Variants in RAVER2 observed in about 807,000 individuals in gnomAD.
The protein encoded by RAVER2 is ribonucleoprotein, PTB binding 2.
In RAVER2, 46 loss-of-function variants were observed where a neutral mutation model predicts 78.1. The observed-to-expected ratio is 0.59, with a 90% CI of 0.46 to 0.75. The LOEUF is 0.75. Among genes scored for constraint, RAVER2 ranks in the 30% least tolerant of loss-of-function variants. The pLI is 0.00. For synonymous variants in RAVER2, 311 were observed against 313.3 expected (o/e 0.99, Z 0.08); for missense variants, 793 against 837.5 (o/e 0.95, Z 0.66).
intron 11 of RAVER2, among the ~76,000 whole-genome samples, chr1:64,817,005 C>A (rs1207863159): frequency 6.6e-6 from 1 of 152,210 alleles, no homozygotes; most frequent in East Asian, 1.9e-4. Context: ...ATCTACTCAT[C>A]TGACAAAGGG....
rs1653057807 is a variant in RAVER2, at chr1:64,795,007, A to G, written c.1105+5493A>G. On this transcript the variant is annotated intron_variant, in intron 5 of 11. Coordinates refer to ENST00000294428, the Ensembl canonical transcript of RAVER2. ...TAATTTTAGTTTGTAGTATGAGGTAAGAGTCCAGATTTTTTTTTTACATAT... is the reference window on the plus strand; with the variant it reads ...TAATTTTAGTTTGTAGTATGAGGTAGGAGTCCAGATTTTTTTTTTACATAT... Among the ~76,000 whole-genome samples the G allele has an allele frequency of 2.6e-5, 4 of 152,062 alleles. No individual in the cohort carries two copies. In the South Asian group the frequency reaches 8.3e-4, roughly 32 times the overall value.
chr1:64,828,519 GCTTT>G (rs1306650832), intron 11 of RAVER2, among the ~76,000 whole-genome samples: 4 of 152,128 alleles, frequency 2.6e-5, no homozygotes, highest in East Asian at 1.9e-4. Flanking sequence ...AGAGCACTGA[GCTTT>G]CTTTCAAAAT....
chr1:64,805,063 T>C, exon 8 of RAVER2: 3 of 1,614,026 alleles, frequency 1.9e-6, no homozygotes, highest in Middle Eastern at 1.6e-4. Flanking sequence ...AGTGCTTCCA[T>C]TGAAAAAGGA....
At chr1:64,807,516 A>G (rs1164064273) in intron 9 of RAVER2, 42 bp downstream of exon 9, 2 of 1,540,430 alleles carry the variant, frequency 1.3e-6, no homozygotes, top group Non-Finnish European at 1.8e-6. Context: ...ATATACATGT[A>G]TATGTATATA....
At chr1:64,813,196 G>A (rs1234388716) in intron 10 of RAVER2, among the ~76,000 whole-genome samples, 1 of 152,188 alleles carries the variant, frequency 6.6e-6, no homozygotes, top group Non-Finnish European at 1.5e-5. Context: ...AAACCCTCAA[G>A]CCTTCAATTA....
chr1:64,748,816 T>A (rs1210166672), intron 1 of RAVER2, among the ~76,000 whole-genome samples: 1 of 152,160 alleles, frequency 6.6e-6, no homozygotes, highest in East Asian at 1.9e-4. Flanking sequence ...CCTGCCTACG[T>A]TTCCAGTCTC....
chr1:64,790,727 C>T lies in RAVER2; in HGVS notation c.1105+1213C>T, dbSNP rs539938571. On this transcript the variant is annotated intron_variant, in intron 5 of 11. Transcript: ENST00000294428. ...ACTGGGGTTCTTGGAACATATCGCT[C>T]GCTGATAAGGGGGAACTAATGTATT... is the stretch of plus-strand genomic sequence containing the variant. Among the ~76,000 whole-genome samples the T allele has an allele frequency of 7.0e-4, 106 of 152,206 alleles. 2 individuals carry two copies. The highest frequency in any genetic ancestry group is 4.4e-3 in the South Asian group (21 of 4,824).
chr1:64,802,937 CAT>C, intron 5 of RAVER2, 37 bp from the exon 6 acceptor site: 5 of 1,404,142 alleles, frequency 3.6e-6, no homozygotes, highest in Non-Finnish European at 4.9e-6. Context: ...TTTTTAATTC[CAT>C]ATATAAATTA....
chr1:64,783,482 GTGA>G (rs1264431271), intron 4 of RAVER2, among the ~76,000 whole-genome samples: 1 of 152,192 alleles, frequency 6.6e-6, no homozygotes, highest in Non-Finnish European at 1.5e-5. Flanking sequence ...CTGATGACCA[GTGA>G]TGATGAGCAT....
At chr1:64,821,628 A>G (rs76944093) in intron 11 of RAVER2, among the ~76,000 whole-genome samples, 315 of 152,330 alleles carry the variant, frequency 2.1e-3, no homozygotes, top group African/African-American at 7.4e-3. Context: ...GACATCTGCA[A>G]CCATCTGGTC....
chr1:64,804,901 G>C lies in RAVER2; in HGVS notation c.1296+63G>C, dbSNP rs1446714474. On this transcript the variant is annotated intron_variant, in intron 7 of 11. Transcript: ENST00000294428. ...ATTTCTTTTCTAGAATCAGGCTGTG[G>C]ATCAGGTTGTTTATGAATTTTCACG... The C allele has an allele frequency of 2.7e-6, 4 of 1,507,154 alleles. No individual in the cohort carries two copies. The Admixed American group carries it at 7.0e-5, about 26-fold the overall frequency. 93.4% of individuals were successfully genotyped at this position (1,507,154 alleles called of 1,614,324 possible).
chr1:64,810,322 G>A (rs960795777), intron 9 of RAVER2, among the ~76,000 whole-genome samples: 1 of 152,180 alleles, frequency 6.6e-6, no homozygotes, highest in Non-Finnish European at 1.5e-5. Context: ...CAGTTTGAGA[G>A]GCTGGGAATT....
intron 2 of RAVER2, among the ~76,000 whole-genome samples, chr1:64,769,315 C>CA (rs1220158215): frequency 1.3e-5 from 2 of 150,886 alleles, no homozygotes; most frequent in Non-Finnish European, 1.5e-5. Context: ...TCTTCAGATT[C>CA]AAAAAAAATG....
intron 5 of RAVER2, among the ~76,000 whole-genome samples, chr1:64,799,955 C>A (rs1653213062): frequency 6.6e-6 from 1 of 152,062 alleles, no homozygotes; most frequent in South Asian, 2.1e-4. Context: ...ATTAGCTGTT[C>A]TAATTGGGGT....
rs183776160 is a variant in RAVER2 at position 64,757,957 on chromosome 1, C to T, written c.250-10699C>T. 2.2e-3 allele frequency among the ~76,000 whole-genome samples: 338 copies of T among 152,260 alleles called. 2 individuals are homozygous for T. Among genetic ancestry groups the T allele is most frequent in the Middle Eastern group, 6.8e-3 (2 of 294 alleles). On this transcript the variant is annotated intron_variant, in intron 1 of 11. Coordinates refer to ENST00000294428, the Ensembl canonical transcript of RAVER2. ...ATTTGATCAACCCCATTTACATAGGCATCTCCCATCACCGCTGCAGATGCT... is the reference window on the plus strand; with the variant it reads ...ATTTGATCAACCCCATTTACATAGGTATCTCCCATCACCGCTGCAGATGCT...
exon 4 of RAVER2, chr1:64,781,480 C>T (rs778469739): frequency 1.2e-6 from 2 of 1,614,058 alleles, no homozygotes; most frequent in Middle Eastern, 1.7e-4. Context: ...GACGGTATGA[C>T]CATCAAGGGC....
intron 1 of RAVER2, among the ~76,000 whole-genome samples, chr1:64,746,710 C>A (rs940971577): frequency 6.6e-6 from 1 of 152,152 alleles, no homozygotes; most frequent in African/African-American, 2.4e-5. Flanking sequence ...TCTTTCCATT[C>A]CGCCATGGTC....
At chr1:64,826,126 T>C (rs1353502425) in intron 11 of RAVER2, among the ~76,000 whole-genome samples, 1 of 152,232 alleles carries the variant, frequency 6.6e-6, no homozygotes, top group East Asian at 1.9e-4. Flanking sequence ...TTTTGAAAGG[T>C]ATTCATTTAC....
At chr1:64,800,484 C>G (rs1025464752) in intron 5 of RAVER2, among the ~76,000 whole-genome samples, 1 of 152,080 alleles carries the variant, frequency 6.6e-6, no homozygotes, top group African/African-American at 2.4e-5. Flanking sequence ...AGATAAGGGT[C>G]TGGCTTCATT....
Sources: allele counts gnomAD v4.1 joint callset (sites outside exome capture counted in the v4.1 genomes callset), GRCh38; gene constraint gnomAD v4.1.1; transcripts MANE v1.5; gene names NCBI Gene and HGNC (gene_info 2026-07-23, HGNC 2026-07-21).